The following ABHD18 variants were observed in gnomAD, a reference collection of about 807,000 sequenced individuals.
ABHD18 encodes the protein cardiolipin-specific deacylase, mitochondrial.
Under a neutral mutation model 65.9 loss-of-function variants are expected in ABHD18, and 55 were observed. The ratio of observed to expected loss-of-function variants is 0.84; its 90% confidence interval spans 0.67 to 1.05. The LOEUF (loss-of-function observed/expected upper bound fraction) is 1.05. Ranked by LOEUF, ABHD18 falls within the 50% of genes least tolerant of loss-of-function variation. ABHD18 has a pLI of 0.00. For missense variants in ABHD18, 533 were observed against 558.5 expected, an observed-to-expected ratio of 0.95 and a Z score of 0.46; for synonymous variants, 181 against 180.2, an observed-to-expected ratio of 1.00 and a Z score of -0.04.
chr4:127,979,832 CTTGAGCCAAGGAGGTAGAGGTTGCA>C (rs1361566350), intron 1 of ABHD18, among the ~76,000 whole-genome samples: 9 of 145,956 alleles, frequency 6.2e-5, no homozygotes, highest in African/African-American at 2.3e-4. Flanking sequence ...AGGAGAATCA[CTTGAGCCAAGGAGGTAGAGGTTGCA>C]TTGAGCCAAG....
At chr4:128,013,860 G>T (rs1755007860) in intron 7 of ABHD18, among the ~76,000 whole-genome samples, 1 of 152,026 alleles carries the variant, frequency 6.6e-6, no homozygotes, top group African/African-American at 2.4e-5. Context: ...GATGAAAGTA[G>T]GATGGGGTGG....
At chr4:128,015,735 G>A (rs1321398078) in intron 7 of ABHD18, among the ~76,000 whole-genome samples, 1 of 151,978 alleles carries the variant, frequency 6.6e-6, no homozygotes, top group Non-Finnish European at 1.5e-5. Context: ...CTGGTTCTTT[G>A]CACATATTAT....
At chr4:127,976,634 T>C (rs1747976354) in intron 1 of ABHD18, among the ~76,000 whole-genome samples, 1 of 152,204 alleles carries the variant, frequency 6.6e-6, no homozygotes, top group South Asian at 2.1e-4. Flanking sequence ...TTTGGAAACA[T>C]ATTAAAATGG....
chr4:128,029,866 T>C (rs1397535605), intron 11 of ABHD18, among the ~76,000 whole-genome samples: 1 of 151,836 alleles, frequency 6.6e-6, no homozygotes, highest in Non-Finnish European at 1.5e-5. Flanking sequence ...CATATGCTTA[T>C]AGTCCCATCT....
At chr4:128,007,852 T>G (rs779552498) in intron 4 of ABHD18, among the ~76,000 whole-genome samples, 4 of 152,148 alleles carry the variant, frequency 2.6e-5, no homozygotes, top group Admixed American at 2.6e-4. Flanking sequence ...TGAATCAGAT[T>G]CTATCATATA....
intron 4 of ABHD18, among the ~76,000 whole-genome samples, chr4:127,994,596 CAAAA>C (rs538739196): frequency 6.6e-6 from 1 of 151,392 alleles, no homozygotes; most frequent in Admixed American, 6.6e-5. Flanking sequence ...TCAAAACAAA[CAAAA>C]AAAACAAACA....
intron 6 of ABHD18, 133 bp downstream of exon 6, chr4:128,009,324 G>A (rs1306756816): frequency 4.4e-5 from 21 of 479,014 alleles, no homozygotes; most frequent in Non-Finnish European, 6.6e-5. Flanking sequence ...AATACTTAAG[G>A]AGCAAGAATC....
chr4:128,011,607 A>G lies in ABHD18; in HGVS notation c.443-66A>G, dbSNP rs553286514. ...AAATTGTGTAAAATTTAACTATTTA[A>G]TGTACTCTCAGACAAACAAAATTAT... On this transcript the variant is annotated intron_variant, in intron 6 of 12. Coordinates refer to ENST00000645843, the MANE Select transcript of ABHD18 (RefSeq NM_001358451.3). 380 of 1,242,034 alleles carry G rather than the reference A, an allele frequency of 3.1e-4. 2 individuals carry two copies. The highest frequency in any genetic ancestry group is 6.9e-5 in the Non-Finnish European group (62 of 892,680). The allele number at this position is 1,242,034 out of a possible 1,614,324, so 76.9% of individuals were successfully genotyped here.
intron 1 of ABHD18, among the ~76,000 whole-genome samples, chr4:127,975,246 A>G (rs559857450): frequency 1.3e-5 from 2 of 152,208 alleles, no homozygotes; most frequent in South Asian, 4.1e-4. Context: ...ACCACCATCC[A>G]TCTCCAGTTT....
chr4:127,971,569 C>G (rs1361740273), intron 1 of ABHD18, among the ~76,000 whole-genome samples: 1 of 130,514 alleles, frequency 7.7e-6, no homozygotes, highest in African/African-American at 2.8e-5. Flanking sequence ...TGGCTTACTG[C>G]AACCTCTGCC....
intron 1 of ABHD18, among the ~76,000 whole-genome samples, chr4:127,968,915 T>G (rs1489295058): frequency 1.3e-5 from 2 of 152,154 alleles, no homozygotes; most frequent in African/African-American, 4.8e-5. Flanking sequence ...CAGCCAACCC[T>G]GTCTAGAAAG....
At chr4:128,025,303 A>C (rs1277463239) in intron 10 of ABHD18, among the ~76,000 whole-genome samples, 1 of 151,812 alleles carries the variant, frequency 6.6e-6, no homozygotes, top group Non-Finnish European at 1.5e-5. Context: ...ACACCTGGCT[A>C]ATTTTTGTAT....
chr4:127,983,715 A>G (rs1168831012), intron 2 of ABHD18, among the ~76,000 whole-genome samples: 2 of 152,142 alleles, frequency 1.3e-5, no homozygotes, highest in African/African-American at 2.4e-5. Flanking sequence ...AATACAAAAA[A>G]TTAAGCGGGC....
chr4:128,025,998 T>TA (rs1015874787), intron 10 of ABHD18, among the ~76,000 whole-genome samples: 21 of 151,646 alleles, frequency 1.4e-4, no homozygotes, highest in African/African-American at 4.1e-4. Flanking sequence ...ATTAAGAATA[T>TA]AAAAAATTGG....
intron 1 of ABHD18, among the ~76,000 whole-genome samples, chr4:127,967,807 A>G (rs779682417): frequency 1.6e-4 from 25 of 152,040 alleles, no homozygotes; most frequent in Non-Finnish European, 2.9e-4. Flanking sequence ...TATAAAGCCC[A>G]TGGAAAAGAG....
At chr4:128,009,311 G>T in intron 6 of ABHD18, 120 bp downstream of exon 6, 1 of 525,472 alleles carries the variant, frequency 1.9e-6, no homozygotes. Context: ...CATCAGTTCA[G>T]AAAATACTTA....
At chr4:128,007,328 TAAAAAAAAAAAA>T (rs750294558) in intron 4 of ABHD18, among the ~76,000 whole-genome samples, 5 of 58,838 alleles carry the variant, frequency 8.5e-5, no homozygotes, top group Non-Finnish European at 1.8e-4. Flanking sequence ...ACCTTGTCTC[TAAAAAAAAAAAA>T]AAAAAAAAGG....
intron 4 of ABHD18, among the ~76,000 whole-genome samples, chr4:127,993,668 TA>T (rs1751292166): frequency 6.6e-6 from 1 of 152,210 alleles, no homozygotes; most frequent in Non-Finnish European, 1.5e-5. Flanking sequence ...CAACTGTACT[TA>T]TTTTTTTTTA....
chr4:128,012,295 G>A (rs1195318871), intron 7 of ABHD18, among the ~76,000 whole-genome samples: 1 of 151,930 alleles, frequency 6.6e-6, no homozygotes, highest in African/African-American at 2.4e-5. Context: ...CCTTTTTAAG[G>A]TACATTTACT....
Sources: gnomAD v4.1 joint callset for allele counts (sites outside exome capture counted in the v4.1 genomes callset) on GRCh38, gnomAD v4.1.1 for gene constraint, MANE v1.5 for transcripts, NCBI Gene and HGNC (gene_info 2026-07-23, HGNC 2026-07-21) for gene names.